Variants in RGS12 observed in about 807,000 individuals in gnomAD.
RGS12 encodes the protein regulator of G-protein signaling 12.
A neutral mutation model predicts 120.1 loss-of-function variants in RGS12; 66 were observed. The observed-to-expected ratio is 0.55, with a 90% CI of 0.45 to 0.67. The LOEUF is 0.67. Ranked by LOEUF, RGS12 falls within the 30% of genes least tolerant of loss-of-function variation. The probability of loss-of-function intolerance (pLI) is 0.00; values close to 1 mark genes in which losing one functional copy is unlikely to be tolerated. For missense variants in RGS12, 1,859 were observed against 1,957.7 expected (o/e 0.95, Z 0.95); for synonymous variants, 827 against 804.7 (o/e 1.03, Z -0.47).
intron 4 of RGS12, among the ~76,000 whole-genome samples, chr4:3,394,835 C>T (rs542015488): frequency 6.6e-6 from 1 of 152,136 alleles, no homozygotes; most frequent in South Asian, 2.1e-4. Context: ...CGGAAGGGAC[C>T]TCTCACCCGA....
At chr4:3,375,256 C>G (rs1187949977) in intron 3 of RGS12, among the ~76,000 whole-genome samples, 1 of 151,356 alleles carries the variant, frequency 6.6e-6, no homozygotes, top group African/African-American at 2.4e-5. Flanking sequence ...CAGCCCTCAT[C>G]TCCAGCCCTC....
At position 3,430,784 on chromosome 4, in the gene RGS12, C is replaced by G. The variant is rs765247991; in HGVS notation, c.3943C>G (p.Gln1315Glu). 3 of 1,611,754 alleles carry G rather than the reference C, an allele frequency of 1.9e-6. No homozygotes were observed. The East Asian group carries it at 6.7e-5, about 36-fold the overall frequency. ...PVSLAQEGTA[Q>E]IWKRQSQEVE... is the part of the protein sequence containing the mutation. ...CTCCCTCGCGCAGGAGGGCACCGCC[C>G]AGATCTGGAAGAGGCAGTCTCAGGA... Residue 1315 changes from glutamine to glutamate, a missense_variant, in exon 17 of 18, where the codon CAG becomes GAG. By Grantham distance (29) the Gln-to-Glu change is conservative. Coordinates refer to ENST00000336727, the MANE Select transcript of RGS12 (RefSeq NM_001394154.1).
At chr4:3,438,834 C>A (rs959219659) in intron 17 of RGS12, among the ~76,000 whole-genome samples, 1 of 152,090 alleles carries the variant, frequency 6.6e-6, no homozygotes, top group Non-Finnish European at 1.5e-5. Flanking sequence ...GAAAGAGGGG[C>A]CTCAGTAGGG....
chr4:3,362,440 G>A (rs371779020), intron 3 of RGS12, among the ~76,000 whole-genome samples: 4 of 149,576 alleles, frequency 2.7e-5, no homozygotes, highest in African/African-American at 9.8e-5. Flanking sequence ...TTGTGCAAGG[G>A]TGTGTGTGTG....
chr4:3,302,537 C>T (rs994425), intron 1 of RGS12, among the ~76,000 whole-genome samples: 12,124 of 152,246 alleles, frequency 0.08, 645 homozygotes, highest in African/African-American at 0.15. Context: ...CCCTCCCAGC[C>T]TCTTGTGACT....
chr4:3,316,328 C>T lies in RGS12; in HGVS notation c.158C>T (p.Ala53Val), dbSNP rs749858511. The T allele has an allele frequency of 1.8e-5, 29 of 1,614,054 alleles. No individual in the cohort carries two copies. Among genetic ancestry groups the T allele is most frequent in the East Asian group, 2.2e-5 (1 of 44,902 alleles). Residue 53 changes from alanine (A) to valine (V), a missense_variant, in exon 2 of 18, where the codon GCG (alanine) becomes GTG (valine). Ala to Val is a moderately conservative substitution (Grantham distance 64, BLOSUM62 0). This residue lies in a region of RGS12 where 967 missense variants were observed against 994.2 expected (regional missense o/e 0.97). Transcript: ENST00000336727. ...AGCTGCGTCATGAGAGGGAGCCCTG[C>T]GGATTTCGTGGGCCTCCGAGCTGGA... ...VLSCVMRGSP[A>V]DFVGLRAGDQ...
At chr4:3,291,097 G>A (rs1446144297), upstream of RGS12, among the ~76,000 whole-genome samples, 1 of 152,190 alleles carries the variant, frequency 6.6e-6, no homozygotes, top group Non-Finnish European at 1.5e-5. Flanking sequence ...CCCTGTCCAT[G>A]AGGCACCTGG....
At chr4:3,438,511 G>A (rs1385138484) in intron 17 of RGS12, among the ~76,000 whole-genome samples, 1 of 152,092 alleles carries the variant, frequency 6.6e-6, no homozygotes, top group Non-Finnish European at 1.5e-5. Flanking sequence ...TCCTGCCATG[G>A]AGCTCCGGGC....
chr4:3,289,920 T>C (rs1233709253), upstream of RGS12, among the ~76,000 whole-genome samples: 1 of 152,388 alleles, frequency 6.6e-6, no homozygotes, highest in East Asian at 1.9e-4. Context: ...TATTTGTCTT[T>C]CTGTGCCTGG....
intron 2 of RGS12, among the ~76,000 whole-genome samples, chr4:3,339,889 T>C (rs1327596326): frequency 6.6e-6 from 1 of 152,196 alleles, no homozygotes; most frequent in Non-Finnish European, 1.5e-5. Flanking sequence ...TCCCCAGCTC[T>C]GTTTGTTAGG....
At chr4:3,350,842 T>C (rs1030014306) in intron 3 of RGS12, among the ~76,000 whole-genome samples, 9 of 152,362 alleles carry the variant, frequency 5.9e-5, no homozygotes, top group Admixed American at 2.0e-4. Flanking sequence ...GATTTTATCA[T>C]GTAGATGTAA....
chr4:3,425,710 C>G (rs1241316046), intron 14 of RGS12, 150 bp downstream of exon 14: 1 of 332,668 alleles, frequency 3.0e-6, no homozygotes, highest in African/African-American at 5.8e-5. Flanking sequence ...GTGGGCGGGG[C>G]CTGCACAGAG....
chr4:3,416,063 T>A lies in RGS12; in HGVS notation c.2369T>A (p.Leu790Gln). 6.2e-7 allele frequency: 1 copy of A among 1,614,048 alleles called. No individual in the cohort carries two copies. The highest frequency in any genetic ancestry group is 1.1e-5 in the South Asian group (1 of 91,062). The part of the protein sequence containing the change: ...TPVNIDSQAQ[L>Q]ADDVLRAPHP... ...GTCAACATCGACAGCCAGGCCCAGCTAGCAGACGACGTCCTCCGCGCACCT... is the reference window on the plus strand; with the variant it reads ...GTCAACATCGACAGCCAGGCCCAGCAAGCAGACGACGTCCTCCGCGCACCT... Residue 790 changes from leucine to glutamine, a missense_variant, in exon 7 of 18, where the codon CTA becomes CAA. Coordinates refer to ENST00000336727, the MANE Select transcript of RGS12 (RefSeq NM_001394154.1).
chr4:3,339,720 C>G (rs1168068093), intron 2 of RGS12, among the ~76,000 whole-genome samples: 1 of 152,118 alleles, frequency 6.6e-6, no homozygotes, highest in Non-Finnish European at 1.5e-5. Flanking sequence ...AAGGATGATA[C>G]CAGGCTGGAG....
upstream of RGS12, among the ~76,000 whole-genome samples, chr4:3,290,918 C>T (rs1722989840): frequency 6.6e-6 from 1 of 152,284 alleles, no homozygotes; most frequent in Admixed American, 6.5e-5. Context: ...GACACCTTCT[C>T]TCCGTCTCAG....
chr4:3,430,276 G>A (rs1171503969), intron 16 of RGS12, 131 bp from the exon 17 acceptor site: 2 of 780,290 alleles, frequency 2.6e-6, no homozygotes, highest in Non-Finnish European at 4.2e-6. Context: ...GACGGAAAAG[G>A]GCTCTTGTTG....
In RGS12 at chr4:3,430,765, C is replaced by T. The variant is rs746415816; in HGVS notation, c.3924C>T (p.Leu1308=). ...PFCTPQSPVS[L]AQEGTAQIWK... is the part of the protein sequence containing the mutation. ...GCACTCCCCAGTCCCCCGTCTCCCT[C>T]GCGCAGGAGGGCACCGCCCAGATCT... The change falls in exon 17 of 18, where the codon CTC becomes CTT. Residue 1308 remains leucine (L), a synonymous_variant. Transcript: ENST00000336727. The T allele has an allele frequency of 3.3e-5, 53 of 1,609,878 alleles. 1 individual carries two copies. Among genetic ancestry groups the T allele is most frequent in the Admixed American group, 6.7e-5 (4 of 59,792 alleles).
intron 2 of RGS12, among the ~76,000 whole-genome samples, chr4:3,322,425 A>C (rs773602943): frequency 5.9e-5 from 9 of 152,196 alleles, no homozygotes; most frequent in Admixed American, 1.3e-4. Context: ...GCTGGTTCTC[A>C]TGGAGATAAG....
rs114176397 is a variant in RGS12 at position 3,425,410 on chromosome 4, T to G, written c.3235-54T>G. 3 of 1,481,508 alleles carry G rather than the reference T, an allele frequency of 2.0e-6. No homozygotes were observed. The Admixed American group carries it at 5.0e-5, about 25-fold the overall frequency. 91.8% of individuals were successfully genotyped at this position (1,481,508 alleles called of 1,614,324 possible). On this transcript the variant is annotated intron_variant, in intron 13 of 17. Coordinates refer to ENST00000336727, the MANE Select transcript of RGS12 (RefSeq NM_001394154.1). Reference sequence around the variant, plus strand: ...GCAGTCGGGTGGGATCACACACATCTGTTCCCTGAAGTTCCAGTCTGGGTA... The same window carrying G: ...GCAGTCGGGTGGGATCACACACATCGGTTCCCTGAAGTTCCAGTCTGGGTA...
Sources: allele counts gnomAD v4.1 joint callset (sites outside exome capture counted in the v4.1 genomes callset), GRCh38; gene constraint gnomAD v4.1.1; regional missense constraint gnomAD v4.1.1; transcripts MANE v1.5; gene names NCBI Gene and HGNC (gene_info 2026-07-23, HGNC 2026-07-21).